TSBP1: variants seen among roughly 807,000 people sequenced by gnomAD.
TSBP1 encodes the protein testis-expressed basic protein 1.
Under a neutral mutation model 68.8 loss-of-function variants are expected in TSBP1, and 56 were observed. The ratio of observed to expected loss-of-function variants is 0.81; its 90% CI spans 0.66 to 1.02. The LOEUF (loss-of-function observed/expected upper bound fraction) is 1.02, where lower values mean the gene tolerates loss of function less well. Ranked by LOEUF, TSBP1 falls within the 50% of genes least tolerant of loss-of-function variation. The pLI is 0.00. For missense variants in TSBP1, 502 were observed against 641.2 expected (o/e 0.78, Z 2.34); for synonymous variants, 171 against 208.7 (o/e 0.82, Z 1.56).
chr6:32,362,908 T>C (rs1773223940), intron 6 of TSBP1, among the ~76,000 whole-genome samples: 1 of 152,216 alleles, frequency 6.6e-6, no homozygotes, highest in African/African-American at 2.4e-5. Flanking sequence ...TGGGTATTCT[T>C]GGTAACTTTA....
In TSBP1 at chr6:32,368,820, G is replaced by A. The variant is rs1287732105; in HGVS notation, c.101-6C>T. ...GTATCTGGAGATATACATTTCTGTG[G>A]AAGAATTAGGCAAAATGTTTTTATT... is the stretch of plus-strand genomic sequence containing the variant. On this transcript the variant is annotated splice_region_variant and splice_polypyrimidine_tract_variant and intron_variant, in intron 2 of 22. Coordinates refer to ENST00000612031, the Ensembl canonical transcript of TSBP1. The A allele has an allele frequency of 6.3e-7, 1 of 1,587,338 alleles. No individual in the cohort carries two copies. Among genetic ancestry groups the A allele is most frequent in the African/African-American group, 1.3e-5 (1 of 74,662 alleles).
chr6:32,325,173 A>C lies in TSBP1; in HGVS notation c.515-1559T>G, dbSNP rs1467328887. The C allele has an allele frequency of 1.3e-5, 7 of 541,240 alleles. No individual in the cohort carries two copies. Among genetic ancestry groups the C allele is most frequent in the Non-Finnish European group, 2.3e-5 (7 of 307,534 alleles). The allele number at this position is 541,240 out of a possible 1,614,324, so 33.5% of individuals were successfully genotyped here. ...TTTATTTATGCCTTTCTGCCCATGG[A>C]TGCCATGGAAGAAGCATCATTAAAG... On this transcript the variant is annotated intron_variant, in intron 16 of 22. Transcript: ENST00000612031. This position sits in a 1 kb window ranked among gnomAD's most constrained non-coding sequence, Gnocchi z 4.4.
At chr6:32,309,016 C>T (rs1266679786) in intron 19 of TSBP1, among the ~76,000 whole-genome samples, 3 of 135,148 alleles carry the variant, frequency 2.2e-5, no homozygotes, top group African/African-American at 8.4e-5. Flanking sequence ...GTGGCATGAT[C>T]ACGGCTTACT....
In TSBP1 at chr6:32,343,416, A is replaced by G. The variant is rs2273018; in HGVS notation, c.350-3778T>C. 5.2e-3 allele frequency: 2,221 copies of G among 423,664 alleles called. 89 individuals are homozygous for G. The East Asian group carries it at 0.075, about 14-fold the overall frequency. 26.2% of individuals were successfully genotyped at this position (423,664 alleles called of 1,614,324 possible). ...AGTGGCCACACTTGCAAGTGATCCC[A>G]TGTCTTTTCCCCCTTAGACACTATG... On this transcript the variant is annotated intron_variant, in intron 9 of 22. Coordinates refer to ENST00000612031, the Ensembl canonical transcript of TSBP1. This position sits in a 1 kb window ranked among gnomAD's most constrained non-coding sequence, Gnocchi z 4.3.
At chr6:32,323,842 C>T in intron 16 of TSBP1, 3 of 562,350 alleles carry the variant, frequency 5.3e-6, no homozygotes, top group Non-Finnish European at 9.5e-6. Flanking sequence ...GTATGCACCC[C>T]AAGCCTGGAA....
chr6:32,298,779 T>G (rs1236318192), intron 22 of TSBP1, among the ~76,000 whole-genome samples: 1 of 152,120 alleles, frequency 6.6e-6, no homozygotes, highest in Non-Finnish European at 1.5e-5. Flanking sequence ...GGTTTAAGTC[T>G]TATTTGCTTC....
intron 19 of TSBP1, among the ~76,000 whole-genome samples, chr6:32,311,559 T>C (rs1351119852): frequency 1.3e-5 from 2 of 152,174 alleles, no homozygotes; most frequent in Non-Finnish European, 2.9e-5. Flanking sequence ...GCAGAGGTGC[T>C]GCTCGCCGGC....
intron 6 of TSBP1, among the ~76,000 whole-genome samples, chr6:32,364,251 A>G (rs1282483812): frequency 2.0e-5 from 3 of 152,210 alleles, no homozygotes; most frequent in South Asian, 4.1e-4. Flanking sequence ...CGAGATGTCT[A>G]TATCTCTTCA....
Position 32,357,900 on chromosome 6 carries a change from C to A in TSBP1, c.218-2231G>T, listed in dbSNP as rs959312167. Among the ~76,000 whole-genome samples the A allele has an allele frequency of 6.6e-6, 1 of 152,156 alleles. No homozygotes were observed. The highest frequency in any genetic ancestry group is 2.4e-5 in the African/African-American group (1 of 41,432). ...TGCTATGATTATATAGGTTGGCTCA[C>A]TGCACAAAGGGTTAAGGGAACTGAA... is the stretch of plus-strand genomic sequence containing the variant. On this transcript the variant is annotated intron_variant, in intron 6 of 22. Transcript: ENST00000612031. This position sits in a 1 kb window ranked among gnomAD's most constrained non-coding sequence, Gnocchi z 4.7.
chr6:32,331,295 C>T (rs1186755999), intron 15 of TSBP1, among the ~76,000 whole-genome samples: 1 of 152,208 alleles, frequency 6.6e-6, no homozygotes, highest in East Asian at 1.9e-4. Flanking sequence ...TTTCCAGATT[C>T]GATTACACCT....
chr6:32,366,075 TAAA>T, intron 6 of TSBP1, 89 bp downstream of exon 6: 3 of 1,540,196 alleles, frequency 1.9e-6, no homozygotes, highest in Admixed American at 1.8e-5. Flanking sequence ...TCTTCTTTTT[TAAA>T]TTTTGGTCAG....
chr6:32,324,593 A>G, intron 16 of TSBP1: 2 of 1,523,152 alleles, frequency 1.3e-6, no homozygotes, highest in Non-Finnish European at 1.8e-6. Flanking sequence ...GCAGATAAAG[A>G]CTCTTGGACT....
At chr6:32,349,318 C>T (rs1771435106) in intron 9 of TSBP1, among the ~76,000 whole-genome samples, 1 of 151,900 alleles carries the variant, frequency 6.6e-6, no homozygotes, top group South Asian at 2.1e-4. Flanking sequence ...CCATCTCTTC[C>T]ATTGCTGCCA....
intron 19 of TSBP1, among the ~76,000 whole-genome samples, chr6:32,312,739 C>T (rs1766530863): frequency 6.6e-6 from 1 of 151,936 alleles, no homozygotes; most frequent in African/African-American, 2.4e-5. Flanking sequence ...CTTCTTTTTC[C>T]CTTAAAATCA....
chr6:32,305,066 G>T (rs1367882844), intron 19 of TSBP1, among the ~76,000 whole-genome samples: 1 of 152,188 alleles, frequency 6.6e-6, no homozygotes, highest in East Asian at 1.9e-4. Context: ...GTTAAATGTT[G>T]AAAGCTGATA....
chr6:32,366,458 G>A, intron 4 of TSBP1, 156 bp from the exon 5 acceptor site: 1 of 817,166 alleles, frequency 1.2e-6, no homozygotes, highest in Non-Finnish European at 2.0e-6. Context: ...TTTACCAACA[G>A]TTCATGAAAA....
At chr6:32,354,195 T>C (rs1157106400) in intron 8 of TSBP1, among the ~76,000 whole-genome samples, 1 of 78,396 alleles carries the variant, frequency 1.3e-5, no homozygotes, top group Non-Finnish European at 2.3e-5. Context: ...ATATTTAACA[T>C]AACATATAAA....
In TSBP1 at chr6:32,293,164, CT is replaced by C; in HGVS notation, c.1508del (p.Lys503ArgfsTer70). The C allele has an allele frequency of 6.2e-7, 1 of 1,605,602 alleles. No homozygotes were observed. The highest frequency in any genetic ancestry group is 1.1e-5 in the South Asian group (1 of 90,808). On this transcript the variant is annotated frameshift_variant, in exon 23 of 23. Coordinates refer to ENST00000612031, the Ensembl canonical transcript of TSBP1. LOFTEE classifies it low-confidence loss of function (END_TRUNC). ...TTGGATCTTTCTCTGCATCTCTCTC[CT>C]TTTCTTTATCATTATTTCCTTTATC...
At chr6:32,370,395 G>C (rs28699544) in intron 1 of TSBP1, among the ~76,000 whole-genome samples, 5,804 of 126,360 alleles carry the variant, frequency 0.046, 382 homozygotes, top group African/African-American at 0.14. Flanking sequence ...CTTTAAAGTT[G>C]CAAGATTTTC....
Sources: allele counts gnomAD v4.1 joint callset (sites outside exome capture counted in the v4.1 genomes callset), GRCh38; gene constraint gnomAD v4.1.1; non-coding constraint Gnocchi (gnomAD v3.1); transcripts MANE v1.5; gene names NCBI Gene and HGNC (gene_info 2026-07-23, HGNC 2026-07-21).